The following SSH3 variants were observed in gnomAD, a reference collection of about 807,000 sequenced individuals.
SSH3 encodes protein phosphatase Slingshot homolog 3.
A neutral mutation model predicts 75.0 loss-of-function variants in SSH3; 67 were observed. The ratio of observed to expected loss-of-function variants is 0.89; its 90% CI spans 0.73 to 1.10. The LOEUF (loss-of-function observed/expected upper bound fraction) is 1.10, where lower values mean the gene tolerates loss of function less well. Ranked by LOEUF, SSH3 falls within the 50% of genes least tolerant of loss-of-function variation. The pLI is 0.00. For synonymous variants in SSH3, 318 were observed against 349.2 expected, an observed-to-expected ratio of 0.91 and a Z score of 1.00; for missense variants, 824 against 872.7, an observed-to-expected ratio of 0.94 and a Z score of 0.70.
Position 67,307,722 on chromosome 11 carries a change from G to A in SSH3, c.776G>A (p.Ser259Asn). 1 of 1,613,980 alleles carries A rather than the reference G, an allele frequency of 6.2e-7. No homozygotes were observed. Among genetic ancestry groups the A allele is most frequent in the South Asian group, 1.1e-5 (1 of 91,082 alleles). Residue 259 changes from serine to asparagine, a missense_variant, in exon 7 of 14, where the codon AGC becomes AAC. Coordinates refer to ENST00000308127, the MANE Select transcript of SSH3 (RefSeq NM_017857.4). This position sits in a 1 kb window ranked among gnomAD's most constrained non-coding sequence, Gnocchi z 4.2. ...MADLESLRPP[S>N]AEPGGSSEQE... ...GACCTGGAGTCTCTGCGGCCTCCCA[G>A]CGCCGAGCCTGGCGGGTCAGTGTGT...
In SSH3 at chr11:67,310,335, C is replaced by T. The variant is rs200217917; in HGVS notation, c.1679C>T (p.Pro560Leu). The T allele has an allele frequency of 3.6e-5, 57 of 1,605,162 alleles. No homozygotes were observed. Among genetic ancestry groups the T allele is most frequent in the Middle Eastern group, 1.7e-4 (1 of 6,038 alleles). The change falls in exon 13 of 14, where the codon CCA (proline) becomes CTA (leucine). Residue 560 changes from proline (P) to leucine (L), a missense_variant. Coordinates refer to ENST00000308127, the MANE Select transcript of SSH3 (RefSeq NM_017857.4). ...LESTSETSDM[P>L]EVFSSHESSH... ...AGCACCTCAGAGACCAGTGACATGC[C>T]AGAGGTGAGGCTGGGGCTGGGGGAG...
At chr11:67,310,587 A>G (rs550762923) in intron 13 of SSH3, among the ~76,000 whole-genome samples, 291 of 152,260 alleles carry the variant, frequency 1.9e-3, no homozygotes, top group Non-Finnish European at 3.3e-3. Flanking sequence ...GAAGATGGGG[A>G]CCAGCCACGT....
rs1201638626 is a variant in SSH3 at position 67,309,537 on chromosome 11, C to T, written c.1202C>T (p.Ala401Val). 2.5e-6 allele frequency: 4 copies of T among 1,613,500 alleles called. No homozygotes were observed. In the African/African-American group the frequency reaches 5.3e-5, roughly 22 times the overall value. ...AAGGAGACGCACCGCTTCATTGAGGCTGCAAGGTCGGTCTCCTGGCTTTGC... is the reference window on the plus strand; with the variant it reads ...AAGGAGACGCACCGCTTCATTGAGGTTGCAAGGTCGGTCTCCTGGCTTTGC... Reference protein sequence around the residue: ...HWKETHRFIEAARAQGTHVLV... With the variant: ...HWKETHRFIEVARAQGTHVLV... The change falls in exon 11 of 14, where the codon GCT becomes GTT. Residue 401 changes from alanine (A) to valine (V), a missense_variant. By Grantham distance (64) the Ala-to-Val change is moderately conservative (BLOSUM62 0). Transcript: ENST00000308127.
chr11:67,308,298 A>G lies in SSH3; in HGVS notation c.1010A>G (p.Tyr337Cys), dbSNP rs771643940. 1 of 1,613,980 alleles carries G rather than the reference A, an allele frequency of 6.2e-7. No individual in the cohort carries two copies. Among genetic ancestry groups the G allele is most frequent in the African/African-American group, 1.3e-5 (1 of 74,930 alleles). Residue 337 changes from tyrosine (Y) to cysteine (C), a missense_variant, in exon 9 of 14, where the codon TAC becomes TGC. Tyr to Cys is a radical substitution (Grantham distance 194, BLOSUM62 -2). Coordinates refer to ENST00000308127, the MANE Select transcript of SSH3 (RefSeq NM_017857.4). The surrounding 1 kb of genome is among the most constrained non-coding windows in gnomAD (Gnocchi z 4.9). ...GCCTCCCGCATCTTCCCCCACCTCT[A>G]CCTGGTGAGCTTCAGCCAGGCCTGG... ...DRASRIFPHL[Y>C]LGSEWNAANL...
chr11:67,307,534 C>T lies in SSH3; in HGVS notation c.603-15C>T. 6.2e-7 allele frequency: 1 copy of T among 1,609,554 alleles called. No individual in the cohort carries two copies. The highest frequency in any genetic ancestry group is 8.5e-7 in the Non-Finnish European group (1 of 1,177,200). Reference sequence around the variant, plus strand: ...GCAAGGGAACAGTGTGACCCAGCCTCTCCTCCTGTCTCAGGGCCACACTCC... The same window carrying T: ...GCAAGGGAACAGTGTGACCCAGCCTTTCCTCCTGTCTCAGGGCCACACTCC... On this transcript the variant is annotated splice_polypyrimidine_tract_variant and intron_variant, in intron 6 of 13. Coordinates refer to ENST00000308127, the MANE Select transcript of SSH3 (RefSeq NM_017857.4). This position sits in a 1 kb window ranked among gnomAD's most constrained non-coding sequence, Gnocchi z 4.2.
intron 2 of SSH3, 77 bp downstream of exon 2, chr11:67,304,232 G>T: frequency 8.4e-7 from 1 of 1,186,952 alleles, no homozygotes; most frequent in South Asian, 1.3e-5. Context: ...TCCAGCTGCA[G>T]GGACAGAAAG....
rs1181324109 is a variant in SSH3 at position 67,310,192 on chromosome 11, T to C, written c.1536T>C (p.Val512=). 1 of 1,614,090 alleles carries C rather than the reference T, an allele frequency of 6.2e-7. No individual in the cohort carries two copies. Among genetic ancestry groups the C allele is most frequent in the Non-Finnish European group, 8.5e-7 (1 of 1,180,004 alleles). ...PEPEGGGEEK[V]VGMEESQAAP... The stretch of plus-strand genomic sequence containing the variant: ...CTGAGGGTGGTGGGGAGGAGAAGGT[T>C]GTAGGCATGGAAGAGAGCCAGGCAG... Residue 512 remains valine (V), a synonymous_variant, in exon 13 of 14, where the codon GTT becomes GTC. Coordinates refer to ENST00000308127, the MANE Select transcript of SSH3 (RefSeq NM_017857.4).
intron 12 of SSH3, 29 bp downstream of exon 12, chr11:67,309,997 TGAG>T: frequency 6.3e-7 from 1 of 1,598,390 alleles, no homozygotes; most frequent in East Asian, 2.3e-5. Context: ...TGGCAGGGGG[TGAG>T]TAGGTGGGTT....
intron 1 of SSH3, 88 bp downstream of exon 1, chr11:67,303,779 CG>C: frequency 7.4e-7 from 1 of 1,349,320 alleles, no homozygotes; most frequent in Non-Finnish European, 9.6e-7. Context: ...TCCTCTCGAA[CG>C]GGGACATGAG....
chr11:67,304,249 G>A, intron 2 of SSH3, 94 bp downstream of exon 2: 1 of 1,027,980 alleles, frequency 9.7e-7, no homozygotes, highest in Non-Finnish European at 1.4e-6. Flanking sequence ...AAAGCTCCCC[G>A]GAGGACGCGC....
intron 1 of SSH3, 32 bp downstream of exon 1, chr11:67,303,723 G>T: frequency 6.9e-7 from 1 of 1,451,560 alleles, no homozygotes; most frequent in Non-Finnish European, 9.0e-7. Context: ...TGCCGCCCAC[G>T]CAGTTGCTGC....
chr11:67,309,435 A>C lies in SSH3; in HGVS notation c.1100A>C (p.Asn367Thr), dbSNP rs536722692. The change falls in exon 11 of 14, where the codon AAC becomes ACC. Residue 367 changes from asparagine to threonine, a missense_variant. Physicochemically the swap from Asn to Thr is moderately conservative, Grantham distance 65 (BLOSUM62 0). Coordinates refer to ENST00000308127, the MANE Select transcript of SSH3 (RefSeq NM_017857.4). ...HILNMAREID[N>T]FYPERFTYHN... ...TTGAACATGGCCCGGGAGATTGACAACTTCTACCCTGAGCGCTTCACCTAC... is the reference window on the plus strand; with the variant it reads ...TTGAACATGGCCCGGGAGATTGACACCTTCTACCCTGAGCGCTTCACCTAC... 1 of 1,614,094 alleles carries C rather than the reference A, an allele frequency of 6.2e-7. No homozygotes were observed. The highest frequency in any genetic ancestry group is 1.7e-5 in the Admixed American group (1 of 60,020).
rs371396283 is a variant in SSH3 at position 67,309,571 on chromosome 11, C to A, written c.1208+28C>A. Reference sequence around the variant, plus strand: ...CGGTCTCCTGGCTTTGCTGCCTGCCCCACTGTGGCTTCAAGCGGCCTCCGG... The same window carrying A: ...CGGTCTCCTGGCTTTGCTGCCTGCCACACTGTGGCTTCAAGCGGCCTCCGG... On this transcript the variant is annotated intron_variant, in intron 11 of 13. Transcript: ENST00000308127. The A allele has an allele frequency of 8.7e-6, 14 of 1,610,366 alleles. No individual in the cohort carries two copies. In the African/African-American group the frequency reaches 1.9e-4, roughly 21 times the overall value.
In SSH3 at chr11:67,311,674, G is replaced by A. The variant is rs1565091316; in HGVS notation, c.1767G>A (p.Val589=). 6.2e-7 allele frequency: 1 copy of A among 1,614,136 alleles called. No individual in the cohort carries two copies. The highest frequency in any genetic ancestry group is 8.5e-7 in the Non-Finnish European group (1 of 1,180,032). Residue 589 remains valine, a synonymous_variant, in exon 14 of 14, where the codon GTG becomes GTA. Coordinates refer to ENST00000308127, the MANE Select transcript of SSH3 (RefSeq NM_017857.4). ...QLARTKGGQQ[V]DRGPQPALKS... is the part of the protein sequence containing the mutation. ...CAAGGACCAAGGGAGGCCAGCAGGT[G>A]GACAGGGGGCCTCAGCCTGCCCTGA...
In SSH3 at chr11:67,308,699, A is replaced by G. The variant is rs1861324875; in HGVS notation, c.1061+241A>G. Among the ~76,000 whole-genome samples the G allele has an allele frequency of 6.6e-6, 1 of 151,884 alleles. No homozygotes were observed. Among genetic ancestry groups the G allele is most frequent in the South Asian group, 2.1e-4 (1 of 4,824 alleles). ...CACTGTGAAACAAGGACAGAAACAA[A>G]GGGCCTCAGCCACGCCAAGACGAGA... On this transcript the variant is annotated intron_variant, in intron 10 of 13. Transcript: ENST00000308127. The surrounding 1 kb of genome is among the most constrained non-coding windows in gnomAD (Gnocchi z 4.9).
Position 67,311,717 on chromosome 11 carries a change from G to A in SSH3, c.1810G>A (p.Val604Ile). ...QPALKSRQSV[V>I]TLQGSAVVAN... is the part of the protein sequence containing the mutation. ...TGCCCTGAAGTCCCGCCAGTCAGTG[G>A]TTACCCTCCAGGGCAGTGCCGTGGT... The change falls in exon 14 of 14, where the codon GTT becomes ATT. Residue 604 changes from valine (V) to isoleucine (I), a missense_variant. Coordinates refer to ENST00000308127, the MANE Select transcript of SSH3 (RefSeq NM_017857.4). The A allele has an allele frequency of 6.2e-7, 1 of 1,614,082 alleles. No individual in the cohort carries two copies. The highest frequency in any genetic ancestry group is 1.3e-5 in the African/African-American group (1 of 75,048).
chr11:67,311,809 C>G lies in SSH3; in HGVS notation c.1902C>G (p.Cys634Trp). The change falls in exon 14 of 14, where the codon TGC (cysteine) becomes TGG (tryptophan). Residue 634 changes from cysteine (C) to tryptophan (W), a missense_variant. Coordinates refer to ENST00000308127, the MANE Select transcript of SSH3 (RefSeq NM_017857.4). ...QGQGQGQGEPCISSTPRFRKV... is the reference protein window; with the variant it reads ...QGQGQGQGEPWISSTPRFRKV... ...AGGGGCAGGGGCAGGGAGAGCCCTG[C>G]ATTTCCTCTACGCCCAGGTTCCGGA... 1.2e-6 allele frequency: 2 copies of G among 1,613,502 alleles called. No individual in the cohort carries two copies. The highest frequency in any genetic ancestry group is 1.7e-6 in the Non-Finnish European group (2 of 1,179,940).
intron 3 of SSH3, among the ~76,000 whole-genome samples, chr11:67,306,129 AAC>A (rs1296035967): frequency 2.0e-5 from 3 of 151,814 alleles, no homozygotes; most frequent in East Asian, 1.9e-4. Flanking sequence ...GTCTACTAAA[AAC>A]ACAAAAAATT....
chr11:67,304,719 GC>G, intron 2 of SSH3, 53 bp from the exon 3 acceptor site: 1 of 1,522,762 alleles, frequency 6.6e-7, no homozygotes. Context: ...GACTTTGAGA[GC>G]CCCTACCCTA....
Sources: gnomAD v4.1 joint callset for allele counts (sites outside exome capture counted in the v4.1 genomes callset) on GRCh38, gnomAD v4.1.1 for gene constraint, Gnocchi (gnomAD v3.1) non-coding constraint, MANE v1.5 for transcripts, NCBI Gene and HGNC (gene_info 2026-07-23, HGNC 2026-07-21) for gene names.